ST6GALNAC5: variants seen among roughly 807,000 people sequenced by gnomAD.
ST6GALNAC5 encodes the protein ST6 N-acetylgalactosaminide alpha-2,6-sialyltransferase 5.
Under a neutral mutation model 33.6 loss-of-function variants are expected in ST6GALNAC5, and 27 were observed. The observed-to-expected ratio is 0.80, with a 90% CI of 0.59 to 1.11. The LOEUF is 1.11. ST6GALNAC5 is among the 50% of genes least tolerant of loss of function. The probability of loss-of-function intolerance (pLI) is 0.00; values close to 1 mark genes in which losing one functional copy is unlikely to be tolerated. For synonymous variants in ST6GALNAC5, 194 were observed against 171.2 expected, an observed-to-expected ratio of 1.13 and a Z score of -1.04; for missense variants, 428 against 454.0, an observed-to-expected ratio of 0.94 and a Z score of 0.52.
intron 2 of ST6GALNAC5, among the ~76,000 whole-genome samples, chr1:77,017,537 C>T (rs1359732118): frequency 6.6e-6 from 1 of 152,052 alleles, no homozygotes. Flanking sequence ...CAAGAGGGAC[C>T]CAGGGATCCA....
intron 2 of ST6GALNAC5, among the ~76,000 whole-genome samples, chr1:76,902,535 C>T (rs1206414720): frequency 6.6e-6 from 1 of 152,038 alleles, no homozygotes; most frequent in African/African-American, 2.4e-5. Context: ...GAGCTGATCC[C>T]AAAATTCATA....
intron 2 of ST6GALNAC5, among the ~76,000 whole-genome samples, chr1:76,899,079 G>T (rs978396404): frequency 6.6e-6 from 1 of 152,170 alleles, no homozygotes; most frequent in Non-Finnish European, 1.5e-5. Context: ...AGAACTTGTA[G>T]GGTGGAAAAA....
At chr1:76,973,237 T>G (rs1648834935) in intron 2 of ST6GALNAC5, among the ~76,000 whole-genome samples, 2 of 151,888 alleles carry the variant, frequency 1.3e-5, no homozygotes, top group Admixed American at 1.3e-4. Flanking sequence ...ATAAGATATA[T>G]ATAATTATAT....
intron 2 of ST6GALNAC5, among the ~76,000 whole-genome samples, chr1:76,922,634 A>G (rs1441630597): frequency 3.3e-5 from 5 of 152,194 alleles, no homozygotes; most frequent in African/African-American, 1.2e-4. Context: ...AGGTATAGAC[A>G]CATTGATCAA....
intron 2 of ST6GALNAC5, among the ~76,000 whole-genome samples, chr1:76,983,534 A>G (rs12143311): frequency 0.15 from 23,259 of 151,400 alleles, 1,862 homozygotes; most frequent in South Asian, 0.29. Context: ...GAGATCTACA[A>G]AGAGACTTAG....
intron 2 of ST6GALNAC5, among the ~76,000 whole-genome samples, chr1:76,941,125 G>C (rs1372045306): frequency 6.6e-6 from 1 of 152,056 alleles, no homozygotes; most frequent in Non-Finnish European, 1.5e-5. Context: ...TCAGGATTGA[G>C]AACTCTGTGA....
intron 2 of ST6GALNAC5, among the ~76,000 whole-genome samples, chr1:76,933,816 G>A (rs1466650915): frequency 1.3e-5 from 2 of 149,072 alleles, no homozygotes; most frequent in Non-Finnish European, 3.0e-5. Flanking sequence ...AAGAGGGCAG[G>A]AGCCTCATAG....
chr1:76,895,726 G>T (rs1392890502), intron 2 of ST6GALNAC5, among the ~76,000 whole-genome samples: 1 of 152,180 alleles, frequency 6.6e-6, no homozygotes, highest in Non-Finnish European at 1.5e-5. Context: ...CAAGAGCAGG[G>T]CATGTATGAG....
At chr1:76,944,598 T>C (rs1647448392) in intron 2 of ST6GALNAC5, among the ~76,000 whole-genome samples, 1 of 152,112 alleles carries the variant, frequency 6.6e-6, no homozygotes, top group Non-Finnish European at 1.5e-5. Context: ...AAAAATATAT[T>C]AATGAATGAG....
intron 2 of ST6GALNAC5, among the ~76,000 whole-genome samples, chr1:76,910,431 C>T (rs75628091): frequency 6.6e-6 from 1 of 151,806 alleles, no homozygotes; most frequent in African/African-American, 2.4e-5. Context: ...CAGGGGAAAG[C>T]GTTTTAGCTG....
chr1:76,932,339 T>C (rs1210325422), intron 2 of ST6GALNAC5, among the ~76,000 whole-genome samples: 2 of 152,100 alleles, frequency 1.3e-5, no homozygotes, highest in African/African-American at 2.4e-5. Flanking sequence ...CATCTTTCTC[T>C]GACTAGAGGG....
intron 2 of ST6GALNAC5, among the ~76,000 whole-genome samples, chr1:77,003,986 C>G (rs1175419227): frequency 1.1e-5 from 1 of 93,986 alleles, no homozygotes. Context: ...TTGCTCTTCT[C>G]GAGGAGTATC....
chr1:76,969,675 G>C (rs185150688), intron 2 of ST6GALNAC5, among the ~76,000 whole-genome samples: 1 of 152,280 alleles, frequency 6.6e-6, no homozygotes, highest in African/African-American at 2.4e-5. Context: ...GAGAGCAGTG[G>C]TTCTCCCAGC....
At chr1:76,904,350 CT>C (rs1283276896) in intron 2 of ST6GALNAC5, among the ~76,000 whole-genome samples, 1 of 152,056 alleles carries the variant, frequency 6.6e-6, no homozygotes, top group Non-Finnish European at 1.5e-5. Flanking sequence ...GTATCCATAC[CT>C]TTATTAAAAG....
intron 2 of ST6GALNAC5, among the ~76,000 whole-genome samples, chr1:76,879,204 C>A (rs1299797429): frequency 1.3e-5 from 2 of 152,168 alleles, no homozygotes; most frequent in Non-Finnish European, 2.9e-5. Context: ...TCTCCCTAAG[C>A]CTTTGGGTCC....
chr1:76,912,218 C>T (rs1331332850), intron 2 of ST6GALNAC5, among the ~76,000 whole-genome samples: 2 of 152,006 alleles, frequency 1.3e-5, no homozygotes, highest in Non-Finnish European at 2.9e-5. Flanking sequence ...GTTCAGTTTC[C>T]ATGTACTTGA....
At chr1:76,926,754 A>T (rs1277326001) in intron 2 of ST6GALNAC5, among the ~76,000 whole-genome samples, 1 of 152,180 alleles carries the variant, frequency 6.6e-6, no homozygotes, top group Non-Finnish European at 1.5e-5. Flanking sequence ...TGCCAAAAGA[A>T]AGGTTGTGAG....
chr1:76,984,510 G>A (rs747682966), intron 2 of ST6GALNAC5, among the ~76,000 whole-genome samples: 2 of 152,134 alleles, frequency 1.3e-5, no homozygotes, highest in African/African-American at 2.4e-5. Flanking sequence ...CTCTGAAATT[G>A]AGGCAATAAT....
chr1:77,046,412 A>T (rs1652010621), intron 3 of ST6GALNAC5, among the ~76,000 whole-genome samples: 1 of 152,238 alleles, frequency 6.6e-6, no homozygotes. Flanking sequence ...TAGCTTTTAA[A>T]TCCTAGAAAC....
Sources: gnomAD v4.1 joint callset for allele counts (sites outside exome capture counted in the v4.1 genomes callset) on GRCh38, gnomAD v4.1.1 for gene constraint, MANE v1.5 for transcripts, NCBI Gene and HGNC (gene_info 2026-07-23, HGNC 2026-07-21) for gene names.